Variants in FYN observed in about 807,000 individuals in gnomAD.
The protein encoded by FYN is tyrosine-protein kinase Fyn.
In FYN, 10 loss-of-function variants were observed where a neutral mutation model predicts 70.2. The observed-to-expected ratio is 0.14, with a 90% CI of 0.09 to 0.24. The LOEUF (loss-of-function observed/expected upper bound fraction) is 0.24, where lower values mean the gene tolerates loss of function less well. Among genes scored for constraint, FYN ranks in the 10% least tolerant of loss-of-function variants. The pLI, the probability that FYN is intolerant of heterozygous loss-of-function variation, is 1.00. For missense variants in FYN, 319 were observed against 673.1 expected (o/e 0.47, Z 5.82); for synonymous variants, 236 against 248.6 (o/e 0.95, Z 0.48).
intron 3 of FYN, among the ~76,000 whole-genome samples, chr6:111,748,092 T>C (rs905356493): frequency 6.6e-6 from 1 of 152,242 alleles, no homozygotes; most frequent in African/African-American, 2.4e-5. Context: ...TCCTTACATA[T>C]TTTAACATTA....
At chr6:111,763,715 C>T (rs1422717795) in intron 3 of FYN, among the ~76,000 whole-genome samples, 1 of 152,152 alleles carries the variant, frequency 6.6e-6, no homozygotes, top group Non-Finnish European at 1.5e-5. Context: ...TTTAACTATA[C>T]ATTTTTTCAT....
chr6:111,725,768 G>A (rs188461133), intron 3 of FYN, among the ~76,000 whole-genome samples: 2 of 152,288 alleles, frequency 1.3e-5, no homozygotes, highest in East Asian at 3.9e-4. Flanking sequence ...ATGACATTGT[G>A]GTAGGGAGAA....
intron 3 of FYN, among the ~76,000 whole-genome samples, chr6:111,726,704 A>G (rs1004212392): frequency 6.6e-6 from 1 of 152,176 alleles, no homozygotes; most frequent in African/African-American, 2.4e-5. Flanking sequence ...TATCTCACAC[A>G]TTATGATATG....
At chr6:111,829,464 G>C (rs750714140) in intron 2 of FYN, among the ~76,000 whole-genome samples, 1 of 152,192 alleles carries the variant, frequency 6.6e-6, no homozygotes, top group East Asian at 1.9e-4. Flanking sequence ...TGCTTATTAA[G>C]GTGCAGCAGA....
intron 2 of FYN, among the ~76,000 whole-genome samples, chr6:111,817,599 C>T (rs879743962): frequency 2.4e-4 from 37 of 152,156 alleles, no homozygotes; most frequent in Admixed American, 2.4e-3. Context: ...AACTTTCTGG[C>T]AAACCCTCAT....
At chr6:111,848,612 G>A (rs1196638722) in intron 1 of FYN, among the ~76,000 whole-genome samples, 2 of 152,150 alleles carry the variant, frequency 1.3e-5, no homozygotes, top group Non-Finnish European at 2.9e-5. Flanking sequence ...CCAAAAGGAG[G>A]ACACCACAGC....
chr6:111,671,799 G>C (rs115220969), intron 13 of FYN, among the ~76,000 whole-genome samples: 1 of 152,150 alleles, frequency 6.6e-6, no homozygotes, highest in Non-Finnish European at 1.5e-5. Context: ...AGGAAGCTTC[G>C]TGAAACCTCT....
chr6:111,779,121 A>ATTTTTTTTT (rs397934539), intron 3 of FYN, among the ~76,000 whole-genome samples: 11 of 91,524 alleles, frequency 1.2e-4, no homozygotes, highest in Non-Finnish European at 2.1e-4. Flanking sequence ...AGTAGGAGAC[A>ATTTTTTTTT]TTTTTTTTTT....
At chr6:111,737,091 A>G (rs1248593164) in intron 3 of FYN, among the ~76,000 whole-genome samples, 2 of 152,236 alleles carry the variant, frequency 1.3e-5, no homozygotes, top group Admixed American at 6.5e-5. Flanking sequence ...GACTCTTTAA[A>G]ATAATGGTGT....
chr6:111,747,629 A>G (rs76693641), intron 3 of FYN, among the ~76,000 whole-genome samples: 1,651 of 152,234 alleles, frequency 0.011, 23 homozygotes, highest in African/African-American at 0.036. Flanking sequence ...GCATTCCCCT[A>G]TCATTGGAAG....
At chr6:111,756,492 T>C (rs1406179611) in intron 3 of FYN, among the ~76,000 whole-genome samples, 1 of 150,928 alleles carries the variant, frequency 6.6e-6, no homozygotes, top group Non-Finnish European at 1.5e-5. Context: ...ACTAGGACTA[T>C]CTCAGAACCA....
At chr6:111,697,598 A>T (rs1583322224) in intron 9 of FYN, among the ~76,000 whole-genome samples, 2 of 152,318 alleles carry the variant, frequency 1.3e-5, no homozygotes, top group East Asian at 3.9e-4. Context: ...AACTTCATAA[A>T]ATATCTGCCC....
chr6:111,708,599 T>C (rs1395400939), intron 5 of FYN, among the ~76,000 whole-genome samples: 1 of 152,340 alleles, frequency 6.6e-6, no homozygotes, highest in Non-Finnish European at 1.5e-5. Context: ...GACACCTCTC[T>C]GCAGGTAGAA....
At chr6:111,752,865 T>C (rs1802548834) in intron 3 of FYN, among the ~76,000 whole-genome samples, 1 of 150,742 alleles carries the variant, frequency 6.6e-6, no homozygotes, top group Admixed American at 6.6e-5. Context: ...AGGAGGGTGG[T>C]GGTGAGGGTG....
At chr6:111,790,681 A>G (rs1350253577) in intron 2 of FYN, among the ~76,000 whole-genome samples, 1 of 152,242 alleles carries the variant, frequency 6.6e-6, no homozygotes, top group African/African-American at 2.4e-5. Context: ...ATTTGGAGTC[A>G]GGGAGATCTT....
At chr6:111,837,826 C>CA (rs1773235826) in intron 2 of FYN, among the ~76,000 whole-genome samples, 1 of 152,218 alleles carries the variant, frequency 6.6e-6, no homozygotes, top group Non-Finnish European at 1.5e-5. Context: ...GCCTCATGTT[C>CA]CACCCTGAAA....
intron 2 of FYN, among the ~76,000 whole-genome samples, chr6:111,815,148 C>G (rs1283566102): frequency 6.6e-6 from 1 of 152,030 alleles, no homozygotes; most frequent in Non-Finnish European, 1.5e-5. Context: ...AGCTGGAGAG[C>G]TGAGAAAGGT....
intron 1 of FYN, among the ~76,000 whole-genome samples, chr6:111,867,370 G>A (rs1482999690): frequency 2.0e-5 from 3 of 147,636 alleles, no homozygotes; most frequent in African/African-American, 7.7e-5. Flanking sequence ...CAGGAGAATC[G>A]CTTGAACCTG....
intron 2 of FYN, among the ~76,000 whole-genome samples, chr6:111,831,175 A>T (rs1367619218): frequency 6.6e-6 from 1 of 152,110 alleles, no homozygotes; most frequent in Non-Finnish European, 1.5e-5. Context: ...AAAATCCTCA[A>T]CACTTGATGG....
Sources: gnomAD v4.1 joint callset for allele counts (sites outside exome capture counted in the v4.1 genomes callset) on GRCh38, gnomAD v4.1.1 for gene constraint, MANE v1.5 for transcripts, NCBI Gene and HGNC (gene_info 2026-07-23, HGNC 2026-07-21) for gene names.